GABBR2: variants seen among roughly 807,000 people sequenced by gnomAD.
The protein encoded by GABBR2 is G-protein coupled receptor 51.
Under a neutral mutation model 105.6 loss-of-function variants are expected in GABBR2, and 23 were observed. That is an observed-to-expected ratio of 0.22 (90% CI 0.16 to 0.31). The LOEUF (loss-of-function observed/expected upper bound fraction) is 0.31. Ranked by LOEUF, GABBR2 falls within the 10% of genes least tolerant of loss-of-function variation. The probability of loss-of-function intolerance (pLI) is 1.00; values close to 1 mark genes in which losing one functional copy is unlikely to be tolerated. For missense variants in GABBR2, 734 were observed against 1,245.5 expected, an observed-to-expected ratio of 0.59 and a Z score of 6.18; for synonymous variants, 478 against 499.7, an observed-to-expected ratio of 0.96 and a Z score of 0.58.
At chr9:98,376,427 A>C (rs758775154) in intron 11 of GABBR2, among the ~76,000 whole-genome samples, 37 of 152,186 alleles carry the variant, frequency 2.4e-4, no homozygotes, top group Non-Finnish European at 4.7e-4. Flanking sequence ...CTGGCTGGAC[A>C]CAGGGGCAAG....
chr9:98,584,415 C>T (rs1364088026), intron 1 of GABBR2, among the ~76,000 whole-genome samples: 4 of 152,170 alleles, frequency 2.6e-5, no homozygotes, highest in Non-Finnish European at 2.9e-5. Context: ...TACTGTAGCT[C>T]ATGGTCACCA....
Position 98,443,597 on chromosome 9 carries a change from C to G in GABBR2, c.1236+10384G>C, listed in dbSNP as rs149298754. Among the ~76,000 whole-genome samples the G allele has an allele frequency of 5.9e-5, 9 of 152,298 alleles. No homozygotes were observed. The East Asian group carries it at 1.7e-3, about 29-fold the overall frequency. On this transcript the variant is annotated intron_variant, in intron 7 of 18. Coordinates refer to ENST00000259455, the MANE Select transcript of GABBR2 (RefSeq NM_005458.8). Reference sequence around the variant, plus strand: ...AGAATGTAATTCTGAACCAGGTTCACCAGTTATGCACTGTGGGACCCCAAC... The same window carrying G: ...AGAATGTAATTCTGAACCAGGTTCAGCAGTTATGCACTGTGGGACCCCAAC...
At chr9:98,481,519 T>C (rs765109808) in intron 4 of GABBR2, among the ~76,000 whole-genome samples, 1 of 152,178 alleles carries the variant, frequency 6.6e-6, no homozygotes, top group Non-Finnish European at 1.5e-5. Context: ...AGTTAATCCC[T>C]CAAGAAATTC....
chr9:98,632,779 T>C (rs1035918664), intron 1 of GABBR2, among the ~76,000 whole-genome samples: 19 of 152,174 alleles, frequency 1.2e-4, no homozygotes, highest in Non-Finnish European at 2.4e-4. Flanking sequence ...GAATTTCTGA[T>C]CCACAAAATC....
At chr9:98,406,747 G>C (rs1236403158) in intron 7 of GABBR2, among the ~76,000 whole-genome samples, 1 of 152,214 alleles carries the variant, frequency 6.6e-6, no homozygotes, top group African/African-American at 2.4e-5. Flanking sequence ...AGGCAGCTGA[G>C]TGCCCCTCAT....
chr9:98,529,332 CAAG>C (rs1193421210), intron 3 of GABBR2, among the ~76,000 whole-genome samples: 1 of 152,214 alleles, frequency 6.6e-6, no homozygotes, highest in Non-Finnish European at 1.5e-5. Context: ...GGGGTCAAGT[CAAG>C]AAGCACTGTA....
intron 2 of GABBR2, among the ~76,000 whole-genome samples, chr9:98,551,807 T>C (rs918303463): frequency 2.0e-5 from 3 of 152,220 alleles, no homozygotes; most frequent in Non-Finnish European, 4.4e-5. Flanking sequence ...ACCCTGTCCC[T>C]GTGACTGAGA....
At chr9:98,649,457 C>G (rs1830075878) in intron 1 of GABBR2, among the ~76,000 whole-genome samples, 1 of 152,186 alleles carries the variant, frequency 6.6e-6, no homozygotes, top group Non-Finnish European at 1.5e-5. Flanking sequence ...CACCCACTGC[C>G]TCCAGCTTAA....
At position 98,394,245 on chromosome 9, in the gene GABBR2, C is replaced by T. The variant is rs749742145; in HGVS notation, c.1308G>A (p.Glu436=). The T allele has an allele frequency of 8.7e-6, 14 of 1,613,112 alleles. No homozygotes were observed. The South Asian group carries it at 1.4e-4, about 16-fold the overall frequency. Residue 436 remains glutamate, a synonymous_variant, in exon 9 of 19, where the codon GAG becomes GAA. Transcript: ENST00000259455. ...CAGCGTTGTACTCTCCCACCTTCAC[C>T]TCCCTGCTGTCTGTGGGGAGCAAAA... ...IKFTQFQDSR[E]VKVGEYNAVA...
intron 1 of GABBR2, among the ~76,000 whole-genome samples, chr9:98,654,428 A>C (rs1321457069): frequency 6.6e-6 from 1 of 152,230 alleles, no homozygotes; most frequent in Non-Finnish European, 1.5e-5. Flanking sequence ...CATTCACTTA[A>C]CAAATATTTG....
At chr9:98,440,911 T>C (rs1284213547) in intron 7 of GABBR2, among the ~76,000 whole-genome samples, 1 of 152,210 alleles carries the variant, frequency 6.6e-6, no homozygotes, top group Non-Finnish European at 1.5e-5. Context: ...TGGGCTAACA[T>C]ACCTTGACAC....
rs192413725 is a variant in GABBR2 at position 98,519,972 on chromosome 9, G to C, written c.630+21901C>G. Among the ~76,000 whole-genome samples the C allele has an allele frequency of 1.1e-3, 175 of 152,306 alleles. 1 individual carries two copies. The highest frequency in any genetic ancestry group is 2.6e-3 in the Admixed American group (40 of 15,304). On this transcript the variant is annotated intron_variant, in intron 3 of 18. Transcript: ENST00000259455. Reference sequence around the variant, plus strand: ...TTCCCTCTAGGAAGGCTGTGGGAGAGAGGCAAAAGCATGAACTCGAGTCAG... The same window carrying C: ...TTCCCTCTAGGAAGGCTGTGGGAGACAGGCAAAAGCATGAACTCGAGTCAG...
chr9:98,487,006 G>A (rs1282053771), intron 4 of GABBR2, among the ~76,000 whole-genome samples: 3 of 152,176 alleles, frequency 2.0e-5, no homozygotes, highest in African/African-American at 7.2e-5. Flanking sequence ...GAAGGCATAC[G>A]CTTCACTCTC....
intron 6 of GABBR2, among the ~76,000 whole-genome samples, chr9:98,471,399 G>A (rs780436964): frequency 6.6e-6 from 1 of 152,186 alleles, no homozygotes; most frequent in East Asian, 1.9e-4. Context: ...CACCAATCCC[G>A]AATAAGAAAA....
At chr9:98,630,723 A>G (rs1290121402) in intron 1 of GABBR2, among the ~76,000 whole-genome samples, 1 of 152,210 alleles carries the variant, frequency 6.6e-6, no homozygotes, top group Non-Finnish European at 1.5e-5. Context: ...GAAAGGAGTC[A>G]GTGTGAGAGG....
intron 3 of GABBR2, among the ~76,000 whole-genome samples, chr9:98,539,030 G>A (rs928847557): frequency 6.6e-6 from 1 of 152,196 alleles, no homozygotes; most frequent in Admixed American, 6.5e-5. Flanking sequence ...GCCCCGACAC[G>A]GCTGTGCAAG....
Position 98,385,649 on chromosome 9 carries a change from T to A in GABBR2, c.1653A>T (p.Thr551=), listed in dbSNP as rs778577033. ...GSFVSEKTFE[T]LCTVRTWILT... is the part of the protein sequence containing the mutation. ...ATGCAGAATGACTTACGGTGCAAAG[T>A]GTTTCAAAGGTCTTTTCAGAGACAA... The change falls in exon 11 of 19, where the codon ACA becomes ACT. Residue 551 remains threonine (T), a synonymous_variant. Transcript: ENST00000259455. 9 of 1,613,628 alleles carry A rather than the reference T, an allele frequency of 5.6e-6. No homozygotes were observed. The highest frequency in any genetic ancestry group is 1.1e-5 in the South Asian group (1 of 91,062).
chr9:98,708,516 C>T lies in GABBR2; in HGVS notation c.222G>A (p.Gly74=). Residue 74 remains glycine (G), a synonymous_variant, in exon 1 of 19, where the codon GGG becomes GGA. Transcript: ENST00000259455. ...LTKEVAKGSI[G]RGVLPAVELA... ...GTTCCACGGCGGGGAGCACACCGCGCCCGATGCTGCCCTTGGCCACCTCCT... is the reference window on the plus strand; with the variant it reads ...GTTCCACGGCGGGGAGCACACCGCGTCCGATGCTGCCCTTGGCCACCTCCT... 2 of 1,597,314 alleles carry T rather than the reference C, an allele frequency of 1.3e-6. No individual in the cohort carries two copies. The highest frequency in any genetic ancestry group is 1.1e-5 in the South Asian group (1 of 89,488).
At chr9:98,659,036 C>T (rs999267658) in intron 1 of GABBR2, among the ~76,000 whole-genome samples, 8 of 152,190 alleles carry the variant, frequency 5.3e-5, no homozygotes, top group African/African-American at 1.9e-4. Flanking sequence ...TATAAAGCTG[C>T]AATGGTGGTA....
Sources: gnomAD v4.1 joint callset for allele counts (sites outside exome capture counted in the v4.1 genomes callset) on GRCh38, gnomAD v4.1.1 for gene constraint, MANE v1.5 for transcripts, NCBI Gene and HGNC (gene_info 2026-07-23, HGNC 2026-07-21) for gene names.